Variants in GDPD1 observed in about 807,000 individuals in gnomAD.
The protein encoded by GDPD1 is glycerophosphodiester phosphodiesterase domain containing 1, also known as lysophospholipase D GDPD1.
GDPD1 carries 28 observed loss-of-function variants against 45.1 expected under a neutral mutation model. The observed-to-expected ratio is 0.62, with a 90% CI of 0.46 to 0.85. The LOEUF is 0.85. GDPD1 is among the 40% of genes least tolerant of loss of function. The pLI, the probability that GDPD1 is intolerant of heterozygous loss-of-function variation, is 0.00. For missense variants in GDPD1, 256 were observed against 364.8 expected, an observed-to-expected ratio of 0.70 and a Z score of 2.43; for synonymous variants, 139 against 131.4, an observed-to-expected ratio of 1.06 and a Z score of -0.40.
intron 3 of GDPD1, 105 bp downstream of exon 3, chr17:59,245,654 TACTGA>T: frequency 3.7e-6 from 3 of 820,576 alleles, no homozygotes; most frequent in Non-Finnish European, 5.5e-6. Context: ...ATTATTTAAA[TACTGA>T]TTAAATACTA....
At chr17:59,225,143 G>A (rs1342993763) in intron 1 of GDPD1, among the ~76,000 whole-genome samples, 1 of 141,138 alleles carries the variant, frequency 7.1e-6, no homozygotes, top group Non-Finnish European at 1.5e-5. Flanking sequence ...CCAGGCTGGA[G>A]TCCAGTGGTA....
intron 6 of GDPD1, among the ~76,000 whole-genome samples, chr17:59,262,730 C>G (rs1242708943): frequency 6.6e-6 from 1 of 150,898 alleles, no homozygotes; most frequent in Non-Finnish European, 1.5e-5. Context: ...CGGGTTCAAG[C>G]GATTTTCCCG....
chr17:59,255,815 GTA>G (rs370143587), intron 4 of GDPD1, among the ~76,000 whole-genome samples: 12 of 49,156 alleles, frequency 2.4e-4, no homozygotes, highest in African/African-American at 6.2e-4. Context: ...ATATATACGC[GTA>G]TATATATATA....
intron 6 of GDPD1, among the ~76,000 whole-genome samples, chr17:59,261,935 T>TTTTTTTTA (rs2047359294): frequency 7.1e-6 from 1 of 141,124 alleles, no homozygotes; most frequent in African/African-American, 2.7e-5. Context: ...TTTTTTTTTT[T>TTTTTTTTA]GAGACGGAGT....
At chr17:59,223,202 AT>A (rs1212402692) in intron 1 of GDPD1, among the ~76,000 whole-genome samples, 1 of 152,360 alleles carries the variant, frequency 6.6e-6, no homozygotes, top group East Asian at 1.9e-4. Context: ...TACCTCTTAT[AT>A]AAAAATTTCC....
In GDPD1 at chr17:59,257,643, T is replaced by C. The variant is rs1597984413; in HGVS notation, c.487-108T>C. 4 of 692,492 alleles carry C rather than the reference T, an allele frequency of 5.8e-6. No individual in the cohort carries two copies. The East Asian group carries it at 1.1e-4, about 20-fold the overall frequency. The allele number at this position is 692,492 out of a possible 1,614,324, so 42.9% of individuals were successfully genotyped here. Reference sequence around the variant, plus strand: ...TTTACATATTGATTCTTCCAAAAGTTATGCTATTCATTCACAGATAGTCAA... The same window carrying C: ...TTTACATATTGATTCTTCCAAAAGTCATGCTATTCATTCACAGATAGTCAA... On this transcript the variant is annotated intron_variant, in intron 5 of 9. Coordinates refer to ENST00000284116, the MANE Select transcript of GDPD1 (RefSeq NM_182569.4).
intron 1 of GDPD1, among the ~76,000 whole-genome samples, chr17:59,230,967 G>A (rs145927899): frequency 0.016 from 2,491 of 152,330 alleles, 68 homozygotes; most frequent in African/African-American, 0.057. Context: ...ATGCATAAGT[G>A]TAAACTTGCT....
chr17:59,231,067 C>T (rs139623613), intron 1 of GDPD1, among the ~76,000 whole-genome samples: 135 of 152,244 alleles, frequency 8.9e-4, no homozygotes, highest in African/African-American at 3.2e-3. Flanking sequence ...GCATGGGTCA[C>T]CAGGGACATC....
intron 1 of GDPD1, among the ~76,000 whole-genome samples, chr17:59,221,149 A>G (rs1461685478): frequency 2.0e-5 from 3 of 152,110 alleles, no homozygotes; most frequent in Non-Finnish European, 4.4e-5. Flanking sequence ...CCGGGAGCAC[A>G]CTGCTCCGAG....
At chr17:59,260,060 CAAAAAAAAAAAAAA>C (rs56936442) in intron 6 of GDPD1, among the ~76,000 whole-genome samples, 60 of 25,840 alleles carry the variant, frequency 2.3e-3, no homozygotes, top group South Asian at 4.2e-3. Context: ...GACCCTGTCT[CAAAAAAAAAAAAAA>C]AAAAAAAAAA....
rs2046994339 is a variant in GDPD1 at position 59,220,534 on chromosome 17, C to T, written c.-76C>T. The stretch of plus-strand genomic sequence containing the variant: ...GCGAGCCGACCTCGAGCAGCCGCCG[C>T]CGCCGCCGTCGTTGCTACTGCCGCA... On this transcript the variant is annotated 5_prime_UTR_variant, in exon 1 of 10. Coordinates refer to ENST00000284116, the MANE Select transcript of GDPD1 (RefSeq NM_182569.4). The T allele has an allele frequency of 1.3e-6, 2 of 1,521,660 alleles. No homozygotes were observed. The highest frequency in any genetic ancestry group is 2.3e-5 in the East Asian group (1 of 42,992). The allele number at this position is 1,521,660 out of a possible 1,614,324, so 94.3% of individuals were successfully genotyped here.
chr17:59,247,750 C>A (rs1001728131), intron 3 of GDPD1, among the ~76,000 whole-genome samples: 4 of 152,062 alleles, frequency 2.6e-5, no homozygotes, highest in South Asian at 2.1e-4. Context: ...CTGCCTCAGC[C>A]CCCCCAAATA....
intron 2 of GDPD1, among the ~76,000 whole-genome samples, chr17:59,237,782 A>G (rs936038362): frequency 4.6e-5 from 7 of 151,774 alleles, no homozygotes; most frequent in African/African-American, 1.5e-4. Context: ...TTGAAAATGT[A>G]GGGTCAGCTG....
chr17:59,237,962 TAAA>T (rs61080306), intron 2 of GDPD1, among the ~76,000 whole-genome samples: 66 of 85,832 alleles, frequency 7.7e-4, no homozygotes, highest in East Asian at 5.4e-3. Context: ...GACTCCGTCT[TAAA>T]AAAAAAAAAA....
At chr17:59,248,621 A>AG in intron 3 of GDPD1, 119 bp from the exon 4 acceptor site, 1 of 670,912 alleles carries the variant, frequency 1.5e-6, no homozygotes, top group Non-Finnish European at 2.6e-6. Context: ...AAGGGTGCCT[A>AG]GTAAAGTGTT....
At position 59,227,471 on chromosome 17, in the gene GDPD1, CTT is replaced by C. The variant is rs1488048617; in HGVS notation, c.142+6724_142+6725del. Among the ~76,000 whole-genome samples, 4 of 151,928 alleles carry C rather than the reference CTT, an allele frequency of 2.6e-5. No individual in the cohort carries two copies. In the East Asian group the frequency reaches 7.7e-4, roughly 29 times the overall value. ...GTAGCATGCATAAAGTTAGTTAACT[CTT>C]TTTACATAGTATATAATATTAGACA... On this transcript the variant is annotated intron_variant, in intron 1 of 9. Transcript: ENST00000284116.
chr17:59,268,393 G>T (rs539028124), intron 7 of GDPD1, among the ~76,000 whole-genome samples: 3 of 151,620 alleles, frequency 2.0e-5, no homozygotes, highest in Non-Finnish European at 4.4e-5. Flanking sequence ...TGGCTAACAC[G>T]GTGAAACCCC....
At position 59,260,294 on chromosome 17, in the gene GDPD1, C is replaced by A. The variant is rs535149764; in HGVS notation, c.576+2454C>A. 2.0e-5 allele frequency among the ~76,000 whole-genome samples: 3 copies of A among 151,998 alleles called. No homozygotes were observed. The East Asian group carries it at 5.8e-4, about 29-fold the overall frequency. On this transcript the variant is annotated intron_variant, in intron 6 of 9. Coordinates refer to ENST00000284116, the MANE Select transcript of GDPD1 (RefSeq NM_182569.4). ...CAGTGGCTCACGCTTGTAATCCCAG[C>A]ACTTTGGGAGGCTGAGGCGGGTGGA...
chr17:59,272,341 C>T (rs538047770), intron 8 of GDPD1, among the ~76,000 whole-genome samples: 1 of 152,270 alleles, frequency 6.6e-6, no homozygotes, highest in Admixed American at 6.5e-5. Context: ...CTTCTAACAT[C>T]GCTTACAAAA....
Sources: gnomAD v4.1 joint callset for allele counts (sites outside exome capture counted in the v4.1 genomes callset) on GRCh38, gnomAD v4.1.1 for gene constraint, MANE v1.5 for transcripts, NCBI Gene and HGNC (gene_info 2026-07-23, HGNC 2026-07-21) for gene names.